The following COL7A1 variants were observed in gnomAD, a reference collection of about 807,000 sequenced individuals.
The protein encoded by COL7A1 is collagen alpha-1(VII) chain.
In COL7A1, 296 loss-of-function variants were observed where a neutral mutation model predicts 456.2. The observed-to-expected ratio is 0.65, with a 90% CI of 0.59 to 0.71. COL7A1 has a LOEUF of 0.71. COL7A1 is among the 30% of genes least tolerant of loss of function. The probability of loss-of-function intolerance (pLI) is 0.00; values close to 1 mark genes in which losing one functional copy is unlikely to be tolerated. For missense variants in COL7A1, 3,441 were observed against 4,017.2 expected (o/e 0.86, Z 3.88); for synonymous variants, 1,464 against 1,525.9 (o/e 0.96, Z 0.95).
rs781094491 is a variant in COL7A1 at position 48,575,278 on chromosome 3, G to A, written c.6181-36C>T. On this transcript the variant is annotated intron_variant, in intron 74 of 118. Coordinates refer to ENST00000681320, the MANE Select transcript of COL7A1 (RefSeq NM_000094.4). This position sits in a 1 kb window ranked among gnomAD's most constrained non-coding sequence, Gnocchi z 6.3. ...AATAGCGGGTGAGGGCCAAGCCCAT[G>A]GGGGGTCCCACCCCTCCCAACCCCT... 6.2e-7 allele frequency: 1 copy of A among 1,611,250 alleles called. No individual in the cohort carries two copies. The highest frequency in any genetic ancestry group is 1.1e-5 in the South Asian group (1 of 91,038).
In COL7A1 at chr3:48,592,930, A is replaced by G. The variant is rs1254438500; in HGVS notation, c.691T>C (p.Ser231Pro). 10 of 1,613,774 alleles carry G rather than the reference A, an allele frequency of 6.2e-6. No homozygotes were observed. The highest frequency in any genetic ancestry group is 2.5e-6 in the Non-Finnish European group (3 of 1,179,970). ...ACCAGGTCTCGTGGAGCAGAGGTCG[A>G]GTCATCCGCTGGGAATGCGGGATCA... ...GVPVTRPPDD[S>P]TSAPRDLVLS... Residue 231 changes from serine (S) to proline (P), a missense_variant, in exon 7 of 119, where the codon TCG (serine) becomes CCG (proline). Transcript: ENST00000681320. This position sits in a 1 kb window ranked among gnomAD's most constrained non-coding sequence, Gnocchi z 7.6.
chr3:48,583,832 C>G lies in COL7A1; in HGVS notation c.4279-52G>C, dbSNP rs753788074. The G allele has an allele frequency of 6.2e-7, 1 of 1,613,434 alleles. No individual in the cohort carries two copies. Among genetic ancestry groups the G allele is most frequent in the Non-Finnish European group, 8.5e-7 (1 of 1,179,610 alleles). On this transcript the variant is annotated intron_variant, in intron 39 of 118. Transcript: ENST00000681320. This position sits in a 1 kb window ranked among gnomAD's most constrained non-coding sequence, Gnocchi z 5.1. ...GCCAAGAACTATGAAGCCCAGCACC[C>G]AACCACTGCCCCAGGAGAGACCCAC...
chr3:48,590,411 T>C lies in COL7A1; in HGVS notation c.1906+48A>G, dbSNP rs1425751053. ...TCCTGCCTGTCCCCTCTGGCACCCA[T>C]ACCCTCATTGGTCCCTTTGGCAGTC... On this transcript the variant is annotated intron_variant, in intron 15 of 118. Transcript: ENST00000681320. The surrounding 1 kb of genome is among the most constrained non-coding windows in gnomAD (Gnocchi z 4.6). 1.9e-6 allele frequency: 3 copies of C among 1,614,050 alleles called. No homozygotes were observed. The highest frequency in any genetic ancestry group is 2.2e-5 in the South Asian group (2 of 91,088).
Position 48,593,436 on chromosome 3 carries a change from A to G in COL7A1, c.440T>C (p.Ile147Thr). The G allele has an allele frequency of 6.2e-7, 1 of 1,614,068 alleles. No homozygotes were observed. Among genetic ancestry groups the G allele is most frequent in the Non-Finnish European group, 8.5e-7 (1 of 1,180,006 alleles). Residue 147 changes from isoleucine (I) to threonine (T), a missense_variant, in exon 5 of 119, where the codon ATC becomes ACC. Transcript: ENST00000681320. The surrounding 1 kb of genome is among the most constrained non-coding windows in gnomAD (Gnocchi z 4.4). ...CAGGTCCTGGGACTTCCCGTCTGTGATCAGGATGCAGACCTGGGACAGGTG... is the reference window on the plus strand; with the variant it reads ...CAGGTCCTGGGACTTCCCGTCTGTGGTCAGGATGCAGACCTGGGACAGGTG... Reference protein sequence around the residue: ...RPGVPKVCILITDGKSQDLVD... With the variant: ...RPGVPKVCILTTDGKSQDLVD...
rs764023236 is a variant in COL7A1 at position 48,575,489 on chromosome 3, G to T, written c.6030C>A (p.Asp2010Glu). The change falls in exon 74 of 119, where the codon GAC becomes GAA. Residue 2010 changes from aspartate (D) to glutamate (E), a missense_variant. Coordinates refer to ENST00000681320, the MANE Select transcript of COL7A1 (RefSeq NM_000094.4). This position sits in a 1 kb window ranked among gnomAD's most constrained non-coding sequence, Gnocchi z 6.3. ...GERGLKGDRGDPGPQGPPGLA... is the reference protein window; with the variant it reads ...GERGLKGDRGEPGPQGPPGLA... ...GACCAGGTGGCCCCTGAGGGCCAGG[G>T]TCTCCACGGTCGCCCTTCAGCCCGC... The T allele has an allele frequency of 3.1e-6, 5 of 1,612,164 alleles. No individual in the cohort carries two copies. Among genetic ancestry groups the T allele is most frequent in the South Asian group, 2.2e-5 (2 of 91,064 alleles).
Position 48,580,712 on chromosome 3 carries a change from C to T in COL7A1, c.4981-60G>A. 1 of 1,590,324 alleles carries T rather than the reference C, an allele frequency of 6.3e-7. No homozygotes were observed. The highest frequency in any genetic ancestry group is 8.6e-7 in the Non-Finnish European group (1 of 1,159,680). ...CAATATTTTGCAGGTGCCCCTATGACCCGCTACACTGCCCCAGGTTCCCCA... is the reference window on the plus strand; with the variant it reads ...CAATATTTTGCAGGTGCCCCTATGATCCGCTACACTGCCCCAGGTTCCCCA... On this transcript the variant is annotated intron_variant, in intron 54 of 118. Transcript: ENST00000681320. The surrounding 1 kb of genome is among the most constrained non-coding windows in gnomAD (Gnocchi z 4.5).
Position 48,580,311 on chromosome 3 carries a change from G to A in COL7A1, c.5086C>T (p.Arg1696Cys), listed in dbSNP as rs2229820. The A allele has an allele frequency of 2.4e-4, 382 of 1,610,264 alleles. 2 individuals carry two copies. The Middle Eastern group carries it at 7.3e-3, about 31-fold the overall frequency. ...SPGSSGPKGD[R>C]GEPGPPGPPG... ...CCAGCCCTACTCACCGGCTCCCCAC[G>A]GTCACCCTTGGGTCCAGATGATCCA... Residue 1696 changes from arginine to cysteine, a missense_variant, in exon 56 of 119, where the codon CGT becomes TGT. Arg to Cys is a radical substitution (Grantham distance 180, BLOSUM62 -3). Around this residue, in one of 3 missense-constraint regions of COL7A1, gnomAD observed 2,084 missense variants for 2,501.3 expected, o/e 0.83. Coordinates refer to ENST00000681320, the MANE Select transcript of COL7A1 (RefSeq NM_000094.4). This position sits in a 1 kb window ranked among gnomAD's most constrained non-coding sequence, Gnocchi z 4.5.
rs41290690 is a variant in COL7A1, at chr3:48,585,137, G to T, written c.3895-21C>A. The T allele has an allele frequency of 1.2e-6, 2 of 1,608,338 alleles. No individual in the cohort carries two copies. Among genetic ancestry groups the T allele is most frequent in the Non-Finnish European group, 1.7e-6 (2 of 1,178,796 alleles). On this transcript the variant is annotated intron_variant, in intron 32 of 118. Coordinates refer to ENST00000681320, the MANE Select transcript of COL7A1 (RefSeq NM_000094.4). The surrounding 1 kb of genome is among the most constrained non-coding windows in gnomAD (Gnocchi z 4.5). ...AAGCCCTGAGGAGGTGAAGAGGTCA[G>T]GACAGGAAGGGACCCTCCCCCAAGG...
chr3:48,586,377 A>G lies in COL7A1; in HGVS notation c.3505T>C (p.Leu1169=). ...GVMVLLVDEP[L]RGDIFSPIRE... ...ATGGGGCTGAATATGTCACCTCTCA[A>G]GGGTTCATCCACTAGCAGAACCATC... The change falls in exon 27 of 119, where the codon TTG becomes CTG. Residue 1169 remains leucine (L), a synonymous_variant. Transcript: ENST00000681320. This position sits in a 1 kb window ranked among gnomAD's most constrained non-coding sequence, Gnocchi z 5.1. 2 of 1,613,830 alleles carry G rather than the reference A, an allele frequency of 1.2e-6. No homozygotes were observed. Among genetic ancestry groups the G allele is most frequent in the Non-Finnish European group, 1.7e-6 (2 of 1,179,942 alleles).
In COL7A1 at chr3:48,566,483, C is replaced by CCCAGGCCCAT. The variant is rs1560194228; in HGVS notation, c.8358+17_8358+26dup. 2.5e-6 allele frequency: 4 copies of CCCAGGCCCAT among 1,610,548 alleles called. No individual in the cohort carries two copies. The Admixed American group carries it at 6.7e-5, about 27-fold the overall frequency. On this transcript the variant is annotated intron_variant, in intron 113 of 118. Transcript: ENST00000681320. The surrounding 1 kb of genome is among the most constrained non-coding windows in gnomAD (Gnocchi z 5.9). Reference sequence around the variant, plus strand: ...GCCCACCCAGGCCCACCCAGGCCCTCCCAGGCCCATCCAGGCCCACACTCA... The same window carrying CCCAGGCCCAT: ...GCCCACCCAGGCCCACCCAGGCCCTCCCAGGCCCATCCAGGCCCATCCAGGCCCACACTCA...
At position 48,572,403 on chromosome 3, in the gene COL7A1, C is replaced by T. The variant is rs1329257514; in HGVS notation, c.6955G>A (p.Ala2319Thr). The change falls in exon 90 of 119, where the codon GCT becomes ACT. Residue 2319 changes from alanine (A) to threonine (T), a missense_variant. Physicochemically the swap from Ala to Thr is moderately conservative, Grantham distance 58. Transcript: ENST00000681320. The surrounding 1 kb of genome is among the most constrained non-coding windows in gnomAD (Gnocchi z 4.6). ...ACCGGCTCACCCACCAGGTCTCCAG[C>T]AAGGCCTCCAGGGGCTCCCTGGTAA... is the stretch of plus-strand genomic sequence containing the variant. ...KGEKGAPGGL[A>T]GDLVGEPGAK... 6.2e-7 allele frequency: 1 copy of T among 1,614,054 alleles called. No homozygotes were observed. The highest frequency in any genetic ancestry group is 8.5e-7 in the Non-Finnish European group (1 of 1,180,018).
Position 48,568,382 on chromosome 3 carries a change from G to T in COL7A1, c.7794+117C>A. On this transcript the variant is annotated intron_variant, in intron 105 of 118. Coordinates refer to ENST00000681320, the MANE Select transcript of COL7A1 (RefSeq NM_000094.4). This position sits in a 1 kb window ranked among gnomAD's most constrained non-coding sequence, Gnocchi z 5.2. Reference sequence around the variant, plus strand: ...GGTGGGGGACCCTGGGTGACATGAGGACACCATGAGAGCACTGGGTCACTA... The same window carrying T: ...GGTGGGGGACCCTGGGTGACATGAGTACACCATGAGAGCACTGGGTCACTA... 1.7e-6 allele frequency: 2 copies of T among 1,154,870 alleles called. No individual in the cohort carries two copies. Among genetic ancestry groups the T allele is most frequent in the African/African-American group, 1.5e-5 (1 of 65,444 alleles). The allele number at this position is 1,154,870 out of a possible 1,614,324, so 71.5% of individuals were successfully genotyped here. A position where few individuals can be genotyped will look rare whatever the true frequency, so the allele number is the denominator to read the frequency against.
chr3:48,568,625 G>T lies in COL7A1; in HGVS notation c.7759-91C>A, dbSNP rs994417785. 6.6e-7 allele frequency: 1 copy of T among 1,516,262 alleles called. No individual in the cohort carries two copies. Among genetic ancestry groups the T allele is most frequent in the East Asian group, 2.4e-5 (1 of 41,098 alleles). 93.9% of individuals were successfully genotyped at this position (1,516,262 alleles called of 1,614,324 possible). On this transcript the variant is annotated intron_variant, in intron 104 of 118. Coordinates refer to ENST00000681320, the MANE Select transcript of COL7A1 (RefSeq NM_000094.4). This position sits in a 1 kb window ranked among gnomAD's most constrained non-coding sequence, Gnocchi z 5.2. ...ATGTGTGGCCACTCAGATGCTCAGC[G>T]GCCAGGGCCCAGGCCACACACAGAT...
chr3:48,590,390 GC>G lies in COL7A1; in HGVS notation c.1907-35del, dbSNP rs1285010670. Reference sequence around the variant, plus strand: ...AGAGGGAAATGCTGGCATGGCTCCTGCCTGTCCCCTCTGGCACCCATACCCT... The same window carrying G: ...AGAGGGAAATGCTGGCATGGCTCCTGCTGTCCCCTCTGGCACCCATACCCT... On this transcript the variant is annotated intron_variant, in intron 15 of 118. Coordinates refer to ENST00000681320, the MANE Select transcript of COL7A1 (RefSeq NM_000094.4). This position sits in a 1 kb window ranked among gnomAD's most constrained non-coding sequence, Gnocchi z 4.6. 10 of 1,613,922 alleles carry G rather than the reference GC, an allele frequency of 6.2e-6. No individual in the cohort carries two copies. In the African/African-American group the frequency reaches 1.1e-4, roughly 17 times the overall value.
chr3:48,587,576 G>T lies in COL7A1; in HGVS notation c.2858-22C>A. On this transcript the variant is annotated intron_variant, in intron 22 of 118. Coordinates refer to ENST00000681320, the MANE Select transcript of COL7A1 (RefSeq NM_000094.4). This position sits in a 1 kb window ranked among gnomAD's most constrained non-coding sequence, Gnocchi z 6.1. ...GACTCTGAAGGAGGAATGAAAGATC[G>T]AGGATCAGAGGCTGAGTCCTGAGAA... 1 of 1,613,390 alleles carries T rather than the reference G, an allele frequency of 6.2e-7. No individual in the cohort carries two copies. Among genetic ancestry groups the T allele is most frequent in the South Asian group, 1.1e-5 (1 of 91,064 alleles).
chr3:48,587,896 G>C lies in COL7A1; in HGVS notation c.2754C>G (p.Ser918Arg). ...QSRVLGPELS[S>R]YHLDGLEPAT... is the part of the protein sequence containing the mutation. ...CTGGCTCCAGCCCGTCCAGGTGATA[G>C]CTGCTGAGCTCGGGCCCCAGGACCC... is the stretch of plus-strand genomic sequence containing the variant. Residue 918 changes from serine to arginine, a missense_variant, in exon 22 of 119, where the codon AGC (serine) becomes AGG (arginine). Physicochemically the swap from Ser to Arg is moderately radical, Grantham distance 110 (BLOSUM62 -1). Around this residue, in one of 3 missense-constraint regions of COL7A1, gnomAD observed 444 missense variants for 427.6 expected, o/e 1.04. Transcript: ENST00000681320. The surrounding 1 kb of genome is among the most constrained non-coding windows in gnomAD (Gnocchi z 6.1). 1.2e-6 allele frequency: 2 copies of C among 1,609,278 alleles called. No individual in the cohort carries two copies. The highest frequency in any genetic ancestry group is 2.2e-5 in the South Asian group (2 of 90,406).
At position 48,584,334 on chromosome 3, in the gene COL7A1, G is replaced by T. The variant is rs1365289291; in HGVS notation, c.4161C>A (p.Pro1387=). 6.2e-7 allele frequency: 1 copy of T among 1,613,090 alleles called. No homozygotes were observed. Among genetic ancestry groups the T allele is most frequent in the Non-Finnish European group, 8.5e-7 (1 of 1,179,526 alleles). ...GPRGPLGDPG[P]RGPPGLPGTA... ...TTCCAGGAAGCCCTGGGGGGCCACG[G>T]GGTCCTGGGTCCCCCAGTGGTCCAC... The change falls in exon 37 of 119, where the codon CCC becomes CCA. Residue 1387 remains proline (P), a synonymous_variant. Transcript: ENST00000681320.
rs2045968218 is a variant in COL7A1 at position 48,594,892 on chromosome 3, G to A, written c.85+183C>T. ...GAATTTGGGTAGGAACAGGATAGGA[G>A]GCGGTTTAGGGAACCCAGCACCGAT... On this transcript the variant is annotated intron_variant, in intron 2 of 118. Transcript: ENST00000681320. This position sits in a 1 kb window ranked among gnomAD's most constrained non-coding sequence, Gnocchi z 5.5. Among the ~76,000 whole-genome samples the A allele has an allele frequency of 6.6e-6, 1 of 152,198 alleles. No individual in the cohort carries two copies. Among genetic ancestry groups the A allele is most frequent in the African/African-American group, 2.4e-5 (1 of 41,450 alleles).
In COL7A1 at chr3:48,575,174, A is replaced by C. The variant is rs745980668; in HGVS notation, c.6216+33T>G. 3.1e-6 allele frequency: 5 copies of C among 1,613,798 alleles called. No homozygotes were observed. The highest frequency in any genetic ancestry group is 4.2e-6 in the Non-Finnish European group (5 of 1,179,950). On this transcript the variant is annotated intron_variant, in intron 75 of 118. Transcript: ENST00000681320. This position sits in a 1 kb window ranked among gnomAD's most constrained non-coding sequence, Gnocchi z 6.3. ...GTGGCAGCCCCAGCACAGCCTCCAG[A>C]CAGCCTGCCCCACGAAGCCCATCGC...
Sources: gnomAD v4.1 joint callset for allele counts (sites outside exome capture counted in the v4.1 genomes callset) on GRCh38, gnomAD v4.1.1 for gene constraint, gnomAD v4.1.1 regional missense constraint, Gnocchi (gnomAD v3.1) non-coding constraint, MANE v1.5 for transcripts, NCBI Gene and HGNC (gene_info 2026-07-23, HGNC 2026-07-21) for gene names.